The following HBP1 variants were observed in gnomAD, a reference collection of about 807,000 sequenced individuals.
HBP1 encodes the protein HMG-box transcription factor 1.
A neutral mutation model predicts 62.6 loss-of-function variants in HBP1; 20 were observed. That is an observed-to-expected ratio of 0.32 (90% CI 0.22 to 0.46). The LOEUF is 0.46. HBP1 is among the 20% of genes least tolerant of loss of function. HBP1 has a pLI of 1.00. For synonymous variants in HBP1, 232 were observed against 206.2 expected (o/e 1.12, Z -1.07); for missense variants, 480 against 611.8 (o/e 0.78, Z 2.27).
chr7:107,182,456 G>GAA lies in HBP1; in HGVS notation c.254_255dup (p.Tyr86AsnfsTer27). On this transcript the variant is annotated frameshift_variant, in exon 3 of 11. Transcript: ENST00000222574. LOFTEE classifies it high-confidence loss of function. ...GCTGAGTTCAGATGTTTCACATCAA[G>GAA]AATACCCAAGATCATCTTGGAACCA... 6.2e-7 allele frequency: 1 copy of GAA among 1,613,180 alleles called. No individual in the cohort carries two copies. Among genetic ancestry groups the GAA allele is most frequent in the Non-Finnish European group, 8.5e-7 (1 of 1,179,188 alleles).
In HBP1 at chr7:107,185,923, C is replaced by T. The variant is rs758960963; in HGVS notation, c.521C>T (p.Thr174Ile). The T allele has an allele frequency of 6.2e-7, 1 of 1,612,870 alleles. No homozygotes were observed. The highest frequency in any genetic ancestry group is 8.5e-7 in the Non-Finnish European group (1 of 1,178,944). The change falls in exon 4 of 11, where the codon ACA becomes ATA. Residue 174 changes from threonine (T) to isoleucine (I), a missense_variant. By Grantham distance (89) the Thr-to-Ile change is moderately conservative (BLOSUM62 -1). Coordinates refer to ENST00000222574, the MANE Select transcript of HBP1 (RefSeq NM_012257.4). ...AFPHHHWKEE[T>I]PVRHERANSE... ...CCTCATCACCATTGGAAGGAGGAAA[C>T]ACCAGTAAGACACGAAAGGGTAAGT... is the stretch of plus-strand genomic sequence containing the variant.
chr7:107,176,223 A>G (rs1184847608), intron 1 of HBP1, among the ~76,000 whole-genome samples: 1 of 151,314 alleles, frequency 6.6e-6, no homozygotes, highest in African/African-American at 2.4e-5. Context: ...ACTGAGTTTC[A>G]CCATGTTGGT....
At chr7:107,185,649 T>C (rs1797316189) in intron 3 of HBP1, 152 bp from the exon 4 acceptor site, 1 of 569,252 alleles carries the variant, frequency 1.8e-6, no homozygotes, top group Non-Finnish European at 3.1e-6. Flanking sequence ...GGAATATAAT[T>C]ATAAAATGAA....
chr7:107,191,914 C>G (rs1797673095), intron 8 of HBP1, among the ~76,000 whole-genome samples: 1 of 152,076 alleles, frequency 6.6e-6, no homozygotes, highest in South Asian at 2.1e-4. Context: ...GTGCTCATGG[C>G]TGTGACTTAT....
Position 107,174,605 on chromosome 7 carries a change from A to G in HBP1, c.-15-5274A>G. ...TAGCTGGAAAGAATGAGGAAACCAA[A>G]GAGCTCTGCAGAGGGAGGGGGAAGA... On this transcript the variant is annotated intron_variant, in intron 1 of 10. Coordinates refer to ENST00000222574, the MANE Select transcript of HBP1 (RefSeq NM_012257.4). 3.0e-6 allele frequency: 3 copies of G among 985,646 alleles called. No homozygotes were observed. In the South Asian group the frequency reaches 1.4e-4, roughly 46 times the overall value. The allele number at this position is 985,646 out of a possible 1,614,324, so 61.1% of individuals were successfully genotyped here.
intron 8 of HBP1, among the ~76,000 whole-genome samples, chr7:107,193,735 G>T (rs2115961719): frequency 6.6e-6 from 1 of 152,242 alleles, no homozygotes; most frequent in South Asian, 2.1e-4. Flanking sequence ...TACAGTAGAT[G>T]TACACGCTGA....
chr7:107,195,717 G>C (rs771130200), intron 8 of HBP1, 117 bp from the exon 9 acceptor site: 2 of 498,566 alleles, frequency 4.0e-6, no homozygotes, highest in Non-Finnish European at 6.6e-6. Flanking sequence ...TGATATAGGG[G>C]GAAATGCACT....
chr7:107,195,812 A>C, intron 8 of HBP1, 22 bp from the exon 9 acceptor site: 1 of 1,094,660 alleles, frequency 9.1e-7, no homozygotes, highest in Non-Finnish European at 1.2e-6. Flanking sequence ...TTAAAATATT[A>C]TTATTTTTTT....
intron 9 of HBP1, among the ~76,000 whole-genome samples, chr7:107,198,607 A>G (rs1798044503): frequency 6.6e-6 from 1 of 152,180 alleles, no homozygotes; most frequent in African/African-American, 2.4e-5. Flanking sequence ...ACCTATCTCT[A>G]AACTGAATGG....
Position 107,200,297 on chromosome 7 carries a change from A to G in HBP1, c.1523A>G (p.Asn508Ser), listed in dbSNP as rs763522857. ...NPDCWKRKRTNSGSQQH is the reference protein window; with the variant it reads ...NPDCWKRKRTSSGSQQH ...GACTGTTGGAAGAGGAAAAGAACCA[A>G]TTCAGTATGTTTCAATAAATAGTGT... The change falls in exon 10 of 11, where the codon AAT becomes AGT. Residue 508 changes from asparagine to serine, a missense_variant. Coordinates refer to ENST00000222574, the MANE Select transcript of HBP1 (RefSeq NM_012257.4). 1.2e-6 allele frequency: 2 copies of G among 1,611,430 alleles called. No individual in the cohort carries two copies. The highest frequency in any genetic ancestry group is 1.7e-5 in the Admixed American group (1 of 59,600).
chr7:107,171,046 A>AATATATATAT (rs374693805), intron 1 of HBP1, among the ~76,000 whole-genome samples: 38 of 60,522 alleles, frequency 6.3e-4, no homozygotes, highest in East Asian at 1.8e-3. Flanking sequence ...TACATGTATA[A>AATATATATAT]ATATATATAT....
In HBP1 at chr7:107,182,404, TG is replaced by T. The variant is rs1471858244; in HGVS notation, c.202del (p.Asp68IlefsTer10). ...TTCCTGAACTTCAGGCAGTTCAAAGTGATCCTACCCAATCTGGCATGTACCA... is the reference window on the plus strand; with the variant it reads ...TTCCTGAACTTCAGGCAGTTCAAAGTATCCTACCCAATCTGGCATGTACCA... ...DLPELQAVQSDPTQSGMYQLS... is the reference protein window; with the variant it reads ...DLPELQAVQSXPTQSGMYQLS... On this transcript the variant is annotated frameshift_variant, in exon 3 of 11. Coordinates refer to ENST00000222574, the MANE Select transcript of HBP1 (RefSeq NM_012257.4). LOFTEE classifies it high-confidence loss of function. 6.2e-7 allele frequency: 1 copy of T among 1,612,990 alleles called. No homozygotes were observed.
At position 107,201,411 on chromosome 7, in the gene HBP1, C is replaced by G; in HGVS notation, c.1528-3C>G. The G allele has an allele frequency of 6.4e-7, 1 of 1,568,558 alleles. No homozygotes were observed. The highest frequency in any genetic ancestry group is 1.1e-5 in the South Asian group (1 of 89,606). ...TTCACTGAGTTTAATTTTATTTCCA[C>G]AGGGCTCACAACAACATTAAACCAG... On this transcript the variant is annotated splice_region_variant and splice_polypyrimidine_tract_variant and intron_variant, in intron 10 of 10. Coordinates refer to ENST00000222574, the MANE Select transcript of HBP1 (RefSeq NM_012257.4).
intron 9 of HBP1, among the ~76,000 whole-genome samples, chr7:107,198,669 C>CTTAA (rs1382989636): frequency 6.8e-6 from 1 of 147,448 alleles, no homozygotes; most frequent in Non-Finnish European, 1.5e-5. Context: ...ATAAAGCTGC[C>CTTAA]TTAATTCAAT....
intron 1 of HBP1, among the ~76,000 whole-genome samples, chr7:107,172,722 ATAGG>A (rs1796657500): frequency 6.6e-6 from 1 of 152,088 alleles, no homozygotes; most frequent in African/African-American, 2.4e-5. Flanking sequence ...AACAATTCTG[ATAGG>A]TAGATAGGTA....
intron 10 of HBP1, 24 bp from the exon 11 acceptor site, chr7:107,201,390 C>T: frequency 2.7e-6 from 4 of 1,501,326 alleles, no homozygotes; most frequent in Non-Finnish European, 3.7e-6. Flanking sequence ...TAAACATTCA[C>T]TGAGTTTAAT....
intron 9 of HBP1, chr7:107,196,624 TTTATAATACATAGACAA>T (rs1485673767): frequency 1.5e-4 from 36 of 242,856 alleles, no homozygotes; most frequent in Admixed American, 3.1e-4. Context: ...ATGTAATTAT[TTTATAATACATAGACAA>T]TTAGGTTATC....
chr7:107,182,664 A>G (rs1797166797), intron 3 of HBP1, 63 bp downstream of exon 3: 1 of 907,780 alleles, frequency 1.1e-6, no homozygotes, highest in Non-Finnish European at 1.7e-6. Flanking sequence ...TTTATTTAAA[A>G]ATTTTTCTAG....
chr7:107,191,169 T>C (rs1449761569), intron 8 of HBP1, among the ~76,000 whole-genome samples: 2 of 152,202 alleles, frequency 1.3e-5, no homozygotes, highest in Non-Finnish European at 2.9e-5. Flanking sequence ...TCATTCAGTT[T>C]AATTAGTATG....
Sources: gnomAD v4.1 joint callset for allele counts (sites outside exome capture counted in the v4.1 genomes callset) on GRCh38, gnomAD v4.1.1 for gene constraint, MANE v1.5 for transcripts, NCBI Gene and HGNC (gene_info 2026-07-23, HGNC 2026-07-21) for gene names.